The following STK31 variants were observed in gnomAD, a reference collection of about 807,000 sequenced individuals.
STK31 encodes serine/threonine kinase 31, also known as serine/threonine-protein kinase 31.
In STK31, 89 loss-of-function variants were observed where a neutral mutation model predicts 129.7. The ratio of observed to expected loss-of-function variants is 0.69; its 90% CI spans 0.58 to 0.82. The LOEUF is 0.82. Among genes scored for constraint, STK31 ranks in the 40% least tolerant of loss-of-function variants. The probability of loss-of-function intolerance (pLI) is 0.00; values close to 1 mark genes in which losing one functional copy is unlikely to be tolerated. For synonymous variants in STK31, 448 were observed against 395.3 expected, an observed-to-expected ratio of 1.13 and a Z score of -1.58; for missense variants, 1,187 against 1,176.4, an observed-to-expected ratio of 1.01 and a Z score of -0.13.
chr7:23,739,740 C>G (rs1162452637), intron 8 of STK31, among the ~76,000 whole-genome samples: 1 of 152,154 alleles, frequency 6.6e-6, no homozygotes, highest in Non-Finnish European at 1.5e-5. Context: ...AATCCTTTCC[C>G]CATTGCTTGT....
At chr7:23,805,116 C>A (rs1201247093) in intron 22 of STK31, among the ~76,000 whole-genome samples, 7 of 152,026 alleles carry the variant, frequency 4.6e-5, no homozygotes, top group Non-Finnish European at 4.4e-5. Flanking sequence ...TGCTCTGTCG[C>A]CCAGGCTAGG....
At chr7:23,769,220 A>AAT in intron 12 of STK31, 46 bp downstream of exon 12, 3 of 1,452,708 alleles carry the variant, frequency 2.1e-6, no homozygotes, top group Non-Finnish European at 2.7e-6. Flanking sequence ...TAAACCAGGG[A>AAT]ATATATATTT....
rs566063787 is a variant in STK31, at chr7:23,784,209, C to A, written c.2148+546C>A. Among the ~76,000 whole-genome samples the A allele has an allele frequency of 3.9e-5, 6 of 152,186 alleles. No individual in the cohort carries two copies. The East Asian group carries it at 1.2e-3, about 29-fold the overall frequency. ...GTTTACTAATCTGTTAGTCCTGAAT[C>A]TGTTAGTCCTGCGATTTATATTGCC... On this transcript the variant is annotated intron_variant, in intron 17 of 23. Transcript: ENST00000355870.
intron 23 of STK31, among the ~76,000 whole-genome samples, chr7:23,828,257 C>G (rs1794302882): frequency 6.6e-6 from 1 of 152,268 alleles, no homozygotes; most frequent in South Asian, 2.1e-4. Context: ...TTGAGCTTCC[C>G]AGCCACTTTG....
intron 21 of STK31, among the ~76,000 whole-genome samples, chr7:23,789,616 G>C (rs189551788): frequency 6.6e-6 from 1 of 152,078 alleles, no homozygotes; most frequent in Non-Finnish European, 1.5e-5. Flanking sequence ...GATTGTACAG[G>C]ATTTATACAG....
chr7:23,757,437 A>G (rs1249271333), intron 10 of STK31, among the ~76,000 whole-genome samples: 1 of 152,116 alleles, frequency 6.6e-6, no homozygotes, highest in African/African-American at 2.4e-5. Flanking sequence ...TGGCAGGACA[A>G]TAGGGTAATA....
rs1786016521 is a variant in STK31 at position 23,712,231 on chromosome 7, T to G, written c.98-3T>G. On this transcript the variant is annotated splice_region_variant and splice_polypyrimidine_tract_variant and intron_variant, in intron 2 of 23. Transcript: ENST00000355870. ...TTTTCCTTGTATTGTGATTTGATTT[T>G]AGTGGAAGATGTGGTTGGAAGTCAC... is the stretch of plus-strand genomic sequence containing the variant. 6.2e-7 allele frequency: 1 copy of G among 1,614,010 alleles called. No individual in the cohort carries two copies. Among genetic ancestry groups the G allele is most frequent in the Non-Finnish European group, 8.5e-7 (1 of 1,179,994 alleles).
intron 22 of STK31, among the ~76,000 whole-genome samples, chr7:23,802,844 G>A (rs1331846022): frequency 6.6e-6 from 1 of 152,158 alleles, no homozygotes; most frequent in South Asian, 2.1e-4. Flanking sequence ...CAAACAGCTT[G>A]TCTGTGTGCA....
intron 8 of STK31, among the ~76,000 whole-genome samples, chr7:23,750,067 T>TCCCGCC (rs1491409499): frequency 6.6e-5 from 6 of 90,556 alleles, no homozygotes; most frequent in African/African-American, 2.3e-4. Context: ...ATGGTTTGTT[T>TCCCGCC]CCCCCCCCGC....
upstream of STK31, chr7:23,710,174 G>T: frequency 6.3e-7 from 1 of 1,579,692 alleles, no homozygotes; most frequent in Non-Finnish European, 8.6e-7. Context: ...GCTAACACCG[G>T]ATGATGGCGC....
chr7:23,745,822 A>C (rs1359292519), intron 8 of STK31, among the ~76,000 whole-genome samples: 1 of 151,852 alleles, frequency 6.6e-6, no homozygotes, highest in Non-Finnish European at 1.5e-5. Context: ...GGTCCGTGAA[A>C]ATGCATGGTT....
chr7:23,813,089 T>TTA (rs1793250508), intron 22 of STK31, among the ~76,000 whole-genome samples: 1 of 144,816 alleles, frequency 6.9e-6, no homozygotes, highest in African/African-American at 2.7e-5. Flanking sequence ...TTTTTTTTTT[T>TTA]TTTTTTTTTG....
At chr7:23,728,913 G>A (rs1787237593) in intron 5 of STK31, among the ~76,000 whole-genome samples, 178 bp from the exon 6 acceptor site, 1 of 152,094 alleles carries the variant, frequency 6.6e-6, no homozygotes, top group Non-Finnish European at 1.5e-5. Flanking sequence ...TTCATGGACT[G>A]TGGATTTTTT....
chr7:23,774,246 G>A (rs1790390540), intron 15 of STK31, among the ~76,000 whole-genome samples: 1 of 152,140 alleles, frequency 6.6e-6, no homozygotes, highest in African/African-American at 2.4e-5. Flanking sequence ...AAACATACGT[G>A]TGCATGTGTC....
chr7:23,807,736 T>C (rs952876415), intron 22 of STK31, among the ~76,000 whole-genome samples: 2 of 152,040 alleles, frequency 1.3e-5, no homozygotes, highest in Non-Finnish European at 2.9e-5. Flanking sequence ...GGTGTTTTTT[T>C]TTGTAATGAT....
chr7:23,764,807 A>G lies in STK31; in HGVS notation c.1416+1884A>G, dbSNP rs559514974. Among the ~76,000 whole-genome samples the G allele has an allele frequency of 3.9e-5, 6 of 152,196 alleles. No individual in the cohort carries two copies. In the South Asian group the frequency reaches 1.0e-3, roughly 26 times the overall value. On this transcript the variant is annotated intron_variant, in intron 11 of 23. Transcript: ENST00000355870. ...GTTAAGGTATTCATGATTGTAATGT[A>G]TTTAAAAATGTGTATCCCCCCCATG...
At chr7:23,828,601 C>T (rs929039301) in intron 23 of STK31, among the ~76,000 whole-genome samples, 3 of 152,062 alleles carry the variant, frequency 2.0e-5, no homozygotes, top group African/African-American at 4.8e-5. Flanking sequence ...ACCCACTGTC[C>T]TGCACCCACT....
At chr7:23,711,494 T>C (rs1279639776) in intron 1 of STK31, among the ~76,000 whole-genome samples, 1 of 151,890 alleles carries the variant, frequency 6.6e-6, no homozygotes, top group Non-Finnish European at 1.5e-5. Flanking sequence ...GAATGGAAAG[T>C]GCAGTATTTT....
chr7:23,712,611 C>T (rs993556182), intron 3 of STK31, among the ~76,000 whole-genome samples: 1 of 152,212 alleles, frequency 6.6e-6, no homozygotes, highest in Admixed American at 6.5e-5. Context: ...GTTATAGCCC[C>T]ATCTAGGGGT....
Sources: gnomAD v4.1 joint callset for allele counts (sites outside exome capture counted in the v4.1 genomes callset) on GRCh38, gnomAD v4.1.1 for gene constraint, MANE v1.5 for transcripts, NCBI Gene and HGNC (gene_info 2026-07-23, HGNC 2026-07-21) for gene names.